The following SLC45A4 variants were observed in gnomAD, a reference collection of about 807,000 sequenced individuals.
SLC45A4 encodes polyamine-transporter SLC45A4.
SLC45A4 carries 32 observed loss-of-function variants against 63.7 expected under a neutral mutation model. The ratio of observed to expected loss-of-function variants is 0.50; its 90% CI spans 0.38 to 0.67. The LOEUF is 0.67. Among genes scored for constraint, SLC45A4 ranks in the 30% least tolerant of loss-of-function variants. SLC45A4 has a pLI of 0.00. For synonymous variants in SLC45A4, 535 were observed against 510.0 expected, an observed-to-expected ratio of 1.05 and a Z score of -0.66; for missense variants, 1,027 against 1,157.7, an observed-to-expected ratio of 0.89 and a Z score of 1.64.
chr8:141,212,460 A>C lies in SLC45A4; in HGVS notation c.2038T>G (p.Ser680Ala), dbSNP rs745922068. Residue 680 changes from serine to alanine, a missense_variant, in exon 8 of 9, where the codon TCT (serine) becomes GCT (alanine). Transcript: ENST00000517878. The stretch of plus-strand genomic sequence containing the variant: ...GCGTCGACCACGCCCCCAAGGGCAG[A>C]GGCCACCAGGATCTGCGAGATGTAC... ...QVYISQILVA[S>A]ALGGVVDAVG... 1 of 1,613,906 alleles carries C rather than the reference A, an allele frequency of 6.2e-7. No homozygotes were observed. Among genetic ancestry groups the C allele is most frequent in the East Asian group, 2.2e-5 (1 of 44,880 alleles).
intron 2 of SLC45A4, among the ~76,000 whole-genome samples, chr8:141,244,042 C>G (rs959971117): frequency 6.6e-6 from 1 of 152,134 alleles, no homozygotes. Context: ...GTTGGCACCC[C>G]TAACCTGAGC....
chr8:141,301,151 C>G (rs1233541352), intron 1 of SLC45A4, among the ~76,000 whole-genome samples: 1 of 152,198 alleles, frequency 6.6e-6, no homozygotes, highest in Non-Finnish European at 1.5e-5. Flanking sequence ...GAGGAAGGCA[C>G]TCTTCCCAGG....
intron 2 of SLC45A4, among the ~76,000 whole-genome samples, chr8:141,249,426 C>T (rs1053743737): frequency 1.2e-4 from 19 of 152,132 alleles, no homozygotes; most frequent in African/African-American, 1.7e-4. Context: ...CATGCAGTAA[C>T]GGGGATGAAT....
At chr8:141,241,466 A>G (rs755758020) in intron 2 of SLC45A4, among the ~76,000 whole-genome samples, 9 of 152,190 alleles carry the variant, frequency 5.9e-5, no homozygotes, top group Non-Finnish European at 1.3e-4. Flanking sequence ...TGTCTGCCCT[A>G]TGGTAACTTC....
intron 2 of SLC45A4, among the ~76,000 whole-genome samples, chr8:141,228,962 A>C (rs1341910995): frequency 2.0e-5 from 3 of 151,910 alleles, no homozygotes; most frequent in Admixed American, 2.0e-4. Context: ...CACCCGCCCC[A>C]CAGCCCACCT....
intron 5 of SLC45A4, 126 bp from the exon 6 acceptor site, chr8:141,217,315 C>T: frequency 1.0e-6 from 1 of 966,048 alleles, no homozygotes; most frequent in East Asian, 2.6e-5. Context: ...AAGTCCCATC[C>T]AGGAGGAGAG....
At chr8:141,294,902 C>T (rs1419595309) in intron 1 of SLC45A4, among the ~76,000 whole-genome samples, 2 of 152,172 alleles carry the variant, frequency 1.3e-5, no homozygotes, top group African/African-American at 4.8e-5. Flanking sequence ...CAGGGCACTC[C>T]CAAGTGGCAG....
chr8:141,223,460 A>G (rs1826782330), intron 2 of SLC45A4, among the ~76,000 whole-genome samples: 1 of 152,212 alleles, frequency 6.6e-6, no homozygotes, highest in Admixed American at 6.5e-5. Context: ...TCAAAACCTC[A>G]GAAAGAATGG....
Position 141,218,911 on chromosome 8 carries a change from C to T in SLC45A4, c.729G>A (p.Thr243=), listed in dbSNP as rs756181094. Reference sequence around the variant, plus strand: ...TGAACAGGTGCAGGGCCACGGACACCGTGAAGATGATGGCGGCAAAGAAGA... The same window carrying T: ...TGAACAGGTGCAGGGCCACGGACACTGTGAAGATGATGGCGGCAAAGAAGA... ...VLFFFAAIIF[T]VSVALHLFSI... Residue 243 remains threonine (T), a synonymous_variant, in exon 5 of 9, where the codon ACG becomes ACA. Transcript: ENST00000517878. 4.3e-5 allele frequency: 69 copies of T among 1,613,630 alleles called. No homozygotes were observed. The South Asian group carries it at 5.6e-4, about 13-fold the overall frequency.
intron 1 of SLC45A4, among the ~76,000 whole-genome samples, chr8:141,295,986 A>G (rs1248494725): frequency 6.6e-6 from 1 of 152,208 alleles, no homozygotes; most frequent in South Asian, 2.1e-4. Context: ...CCTGGCCCCT[A>G]GGAAACAGGC....
intron 1 of SLC45A4, among the ~76,000 whole-genome samples, chr8:141,266,198 C>T (rs544308028): frequency 6.6e-6 from 1 of 152,312 alleles, no homozygotes; most frequent in East Asian, 1.9e-4. Context: ...CGCGTCCGCA[C>T]GGTGACCACA....
intron 1 of SLC45A4, among the ~76,000 whole-genome samples, chr8:141,270,266 A>T (rs1589836149): frequency 6.6e-6 from 1 of 151,824 alleles, no homozygotes; most frequent in African/African-American, 2.4e-5. Context: ...GTGGCTCACC[A>T]CTATAATCCT....
In SLC45A4 at chr8:141,245,343, ATC is replaced by A. The variant is rs371633686; in HGVS notation, c.241+8644_241+8645del. ...CCACCGTTTCGAGGAGGGACAGGAA[ATC>A]TCTGTCACTTGAGCAAATAATGGAA... On this transcript the variant is annotated intron_variant, in intron 2 of 8. Coordinates refer to ENST00000517878, the MANE Select transcript of SLC45A4 (RefSeq NM_001286646.2). Among the ~76,000 whole-genome samples, 998 of 152,246 alleles carry A rather than the reference ATC, an allele frequency of 6.6e-3. 10 individuals carry two copies. Among genetic ancestry groups the A allele is most frequent in the African/African-American group, 0.023 (946 of 41,544 alleles).
At chr8:141,223,725 G>A (rs1394868936) in intron 2 of SLC45A4, among the ~76,000 whole-genome samples, 3 of 152,176 alleles carry the variant, frequency 2.0e-5, no homozygotes, top group Admixed American at 6.5e-5. Flanking sequence ...CCCTGCGCAC[G>A]CCAGGTCCTG....
chr8:141,305,409 C>G (rs1830867447), intron 1 of SLC45A4, among the ~76,000 whole-genome samples: 1 of 152,210 alleles, frequency 6.6e-6, no homozygotes, highest in Non-Finnish European at 1.5e-5. Context: ...GACAACCCTT[C>G]TGATGGTGTT....
At chr8:141,265,105 C>T (rs1739187023) in intron 1 of SLC45A4, among the ~76,000 whole-genome samples, 1 of 152,348 alleles carries the variant, frequency 6.6e-6, no homozygotes, top group East Asian at 1.9e-4. Context: ...TGCATAGCTG[C>T]CAACTTAAAG....
intron 1 of SLC45A4, among the ~76,000 whole-genome samples, chr8:141,274,941 G>A (rs1299740507): frequency 6.6e-6 from 1 of 152,226 alleles, no homozygotes; most frequent in African/African-American, 2.4e-5. Context: ...CGGTTCAGAG[G>A]GCCACTGCGG....
In SLC45A4 at chr8:141,255,742, C is replaced by A. The variant is rs531665068; in HGVS notation, c.-400-1113G>T. On this transcript the variant is annotated intron_variant, in intron 1 of 8. Transcript: ENST00000517878. ...AAAAACAAAAACAAAAACAAACAAA[C>A]AAAAAAAACAAAAAGAAAAGAAAAA... Among the ~76,000 whole-genome samples the A allele has an allele frequency of 1.6e-3, 239 of 151,160 alleles. 2 individuals are homozygous for A. The highest frequency in any genetic ancestry group is 5.6e-3 in the African/African-American group (229 of 40,882).
At chr8:141,271,829 C>CATGCAACACACACCTGTGT (rs1009863093) in intron 1 of SLC45A4, among the ~76,000 whole-genome samples, 1 of 151,190 alleles carries the variant, frequency 6.6e-6, no homozygotes, top group African/African-American at 2.4e-5. Context: ...ACCACGTGTG[C>CATGCAACACACACCTGTGT]ATGCAACACA....
Sources: allele counts gnomAD v4.1 joint callset (sites outside exome capture counted in the v4.1 genomes callset), GRCh38; gene constraint gnomAD v4.1.1; transcripts MANE v1.5; gene names NCBI Gene and HGNC (gene_info 2026-07-23, HGNC 2026-07-21).